MFHAS1: variants seen among roughly 807,000 people sequenced by gnomAD.
MFHAS1 encodes multifunctional ROCO family signaling regulator 1.
Under a neutral mutation model 70.4 loss-of-function variants are expected in MFHAS1, and 50 were observed. The ratio of observed to expected loss-of-function variants is 0.71; its 90% CI spans 0.57 to 0.90. MFHAS1 has a LOEUF of 0.90. MFHAS1 is among the 40% of genes least tolerant of loss of function. MFHAS1 has a pLI of 0.00. For synonymous variants in MFHAS1, 952 were observed against 620.0 expected (o/e 1.54, Z -7.96); for missense variants, 1,795 against 1,347.6 (o/e 1.33, Z -5.20).
Position 8,890,615 on chromosome 8 carries a change from T to C in MFHAS1, c.2444A>G (p.Gln815Arg). The C allele has an allele frequency of 6.2e-7, 1 of 1,613,970 alleles. No homozygotes were observed. The highest frequency in any genetic ancestry group is 8.5e-7 in the Non-Finnish European group (1 of 1,180,024). Residue 815 changes from glutamine (Q) to arginine (R), a missense_variant, in exon 1 of 3, where the codon CAG becomes CGG. By Grantham distance (43) the Gln-to-Arg change is conservative. Coordinates refer to ENST00000276282, the MANE Select transcript of MFHAS1 (RefSeq NM_004225.3). ...CAGCTCCAGCAACAGCTGCAAGTCCTGCTGGGCCTGGACATGAGGCTTAAG... is the reference window on the plus strand; with the variant it reads ...CAGCTCCAGCAACAGCTGCAAGTCCCGCTGGGCCTGGACATGAGGCTTAAG... ...LLLKPHVQAQ[Q>R]DLQLLLELLE... is the part of the protein sequence containing the mutation.
chr8:8,862,444 T>TTGTC (rs1808702633), intron 1 of MFHAS1, among the ~76,000 whole-genome samples: 2 of 151,924 alleles, frequency 1.3e-5, no homozygotes, highest in Non-Finnish European at 2.9e-5. Flanking sequence ...AGACTATAGA[T>TTGTC]TGTCTCTTCA....
At chr8:8,797,727 G>A (rs3748143) in intron 1 of MFHAS1, among the ~76,000 whole-genome samples, 31,318 of 151,978 alleles carry the variant, frequency 0.21, 3,561 homozygotes, top group African/African-American at 0.28. Flanking sequence ...TGGCAGGAAG[G>A]CCCACACTAG....
chr8:8,822,480 G>C (rs575542688), intron 1 of MFHAS1, among the ~76,000 whole-genome samples: 2 of 147,064 alleles, frequency 1.4e-5, no homozygotes, highest in South Asian at 2.4e-4. Context: ...TTGAGATGGA[G>C]ACAGGGACCC....
rs146394997 is a variant in MFHAS1 at position 8,849,144 on chromosome 8, G to T, written c.2998+40917C>A. Among the ~76,000 whole-genome samples, 83 of 124,056 alleles carry T rather than the reference G, an allele frequency of 6.7e-4. 1 individual carries two copies. The East Asian group carries it at 0.02, about 29-fold the overall frequency. The allele number at this position is 124,056 out of a possible 152,430, so 81.4% of individuals were successfully genotyped here. A position where few individuals can be genotyped will look rare whatever the true frequency, so the allele number is the denominator to read the frequency against. On this transcript the variant is annotated intron_variant, in intron 1 of 2. Transcript: ENST00000276282. Reference sequence around the variant, plus strand: ...TGCCCAGGCTGAAGAGCAATGGCACGATCTCAGCTCACTGCAACCTCTGCC... The same window carrying T: ...TGCCCAGGCTGAAGAGCAATGGCACTATCTCAGCTCACTGCAACCTCTGCC...
intron 1 of MFHAS1, among the ~76,000 whole-genome samples, chr8:8,871,730 C>G (rs1019749460): frequency 1.3e-5 from 2 of 152,200 alleles, no homozygotes; most frequent in Admixed American, 6.5e-5. Context: ...TCCAGGCCCC[C>G]GACTTCCTAA....
At position 8,829,173 on chromosome 8, in the gene MFHAS1, G is replaced by C. The variant is rs549890380; in HGVS notation, c.2999-31682C>G. Among the ~76,000 whole-genome samples the C allele has an allele frequency of 3.9e-5, 6 of 152,168 alleles. No homozygotes were observed. The East Asian group carries it at 7.8e-4, about 20-fold the overall frequency. ...ACGTCACCTCTCATGCCTCTGCTAAGCTCTTCTCTGGGTGCGGAGCGCCCT... is the reference window on the plus strand; with the variant it reads ...ACGTCACCTCTCATGCCTCTGCTAACCTCTTCTCTGGGTGCGGAGCGCCCT... On this transcript the variant is annotated intron_variant, in intron 1 of 2. Transcript: ENST00000276282.
At chr8:8,803,738 G>A (rs533328283) in intron 1 of MFHAS1, among the ~76,000 whole-genome samples, 6 of 151,962 alleles carry the variant, frequency 3.9e-5, no homozygotes, top group East Asian at 3.9e-4. Context: ...TTGGGAGGCC[G>A]AGGCAGGCAA....
chr8:8,893,001 G>C lies in MFHAS1; in HGVS notation c.58C>G (p.Leu20Val). Residue 20 changes from leucine to valine, a missense_variant, in exon 1 of 3, where the codon CTG (leucine) becomes GTG (valine). Leu to Val is a conservative substitution (Grantham distance 32). Transcript: ENST00000276282. ...TTGCTCCGCAGCTTCCTGGCACGCA[G>C]GGCGGCGTCCCGCCACAGCCTCGCG... ...KTARLWRDAA[L>V]RARKLRSNLR... 6.5e-7 allele frequency: 1 copy of C among 1,537,064 alleles called. No individual in the cohort carries two copies. The highest frequency in any genetic ancestry group is 8.7e-7 in the Non-Finnish European group (1 of 1,144,586).
chr8:8,813,052 C>T (rs975460020), intron 1 of MFHAS1, among the ~76,000 whole-genome samples: 1 of 152,184 alleles, frequency 6.6e-6, no homozygotes, highest in Non-Finnish European at 1.5e-5. Flanking sequence ...CAGGCATGAA[C>T]CACTGCACCT....
intron 1 of MFHAS1, among the ~76,000 whole-genome samples, chr8:8,837,940 G>A (rs1807662970): frequency 6.6e-6 from 1 of 152,072 alleles, no homozygotes; most frequent in Non-Finnish European, 1.5e-5. Flanking sequence ...GTTTACTCAG[G>A]AGAAACAATG....
rs750864301 is a variant in MFHAS1, at chr8:8,890,152, T to A, written c.2907A>T (p.Leu969=). The A allele has an allele frequency of 1.9e-6, 3 of 1,614,090 alleles. No individual in the cohort carries two copies. Among genetic ancestry groups the A allele is most frequent in the Admixed American group, 1.7e-5 (1 of 60,006 alleles). Reference sequence around the variant, plus strand: ...AGTGCAGTCCAGGCCATTCCTGAAGTAGGACATTCAGTTCCTCCACCAAGG... The same window carrying A: ...AGTGCAGTCCAGGCCATTCCTGAAGAAGGACATTCAGTTCCTCCACCAAGG... ...ITPLVEELNV[L]LQEWPGLHYT... Residue 969 remains leucine (L), a synonymous_variant, in exon 1 of 3, where the codon CTA becomes CTT. Coordinates refer to ENST00000276282, the MANE Select transcript of MFHAS1 (RefSeq NM_004225.3).
chr8:8,797,911 C>T (rs1805965220), intron 1 of MFHAS1, among the ~76,000 whole-genome samples: 2 of 152,132 alleles, frequency 1.3e-5, no homozygotes, highest in South Asian at 4.1e-4. Flanking sequence ...AAGCAGACCA[C>T]AGCAACCATT....
At position 8,891,307 on chromosome 8, in the gene MFHAS1, G is replaced by A. The variant is rs369928764; in HGVS notation, c.1752C>T (p.Phe584=). Residue 584 remains phenylalanine, a synonymous_variant, in exon 1 of 3, where the codon TTC becomes TTT. Transcript: ENST00000276282. This position sits in a 1 kb window ranked among gnomAD's most constrained non-coding sequence, Gnocchi z 5.4. ...KVVDEALARD[F]ELRSASPHAA... ...CGTGGGGGCTGGCAGAGCGCAGCTCGAAGTCCCGGGCCAGTGCCTCGTCCA... is the reference window on the plus strand; with the variant it reads ...CGTGGGGGCTGGCAGAGCGCAGCTCAAAGTCCCGGGCCAGTGCCTCGTCCA... 3.3e-5 allele frequency: 53 copies of A among 1,611,190 alleles called. No homozygotes were observed. The highest frequency in any genetic ancestry group is 3.1e-4 in the African/African-American group (23 of 74,952).
chr8:8,879,524 T>C (rs1809428014), intron 1 of MFHAS1, among the ~76,000 whole-genome samples: 1 of 152,138 alleles, frequency 6.6e-6, no homozygotes, highest in Non-Finnish European at 1.5e-5. Context: ...GAAAGTCAAC[T>C]CAAAAGAAGG....
At chr8:8,805,542 G>T (rs1406540089) in intron 1 of MFHAS1, among the ~76,000 whole-genome samples, 3 of 152,164 alleles carry the variant, frequency 2.0e-5, no homozygotes, top group Admixed American at 6.5e-5. Flanking sequence ...TGGGGAGGAG[G>T]GGGAAGAGGA....
intron 2 of MFHAS1, among the ~76,000 whole-genome samples, chr8:8,790,007 T>C (rs1338767892): frequency 6.6e-6 from 1 of 152,182 alleles, no homozygotes; most frequent in Non-Finnish European, 1.5e-5. Context: ...TCCTGTGTAG[T>C]TCCTGAAGGT....
intron 1 of MFHAS1, among the ~76,000 whole-genome samples, chr8:8,865,295 A>G (rs1189524631): frequency 2.6e-5 from 4 of 151,758 alleles, no homozygotes; most frequent in South Asian, 4.2e-4. Flanking sequence ...AAAAAAAAAA[A>G]AAAAAGAAAT....
chr8:8,814,347 C>G (rs1212523660), intron 1 of MFHAS1, among the ~76,000 whole-genome samples: 1 of 152,188 alleles, frequency 6.6e-6, no homozygotes, highest in African/African-American at 2.4e-5. Context: ...CAGTCACATG[C>G]TGTACAGGTT....
chr8:8,824,245 A>ACC (rs1355661679), intron 1 of MFHAS1, among the ~76,000 whole-genome samples: 1 of 151,748 alleles, frequency 6.6e-6, no homozygotes, highest in Non-Finnish European at 1.5e-5. Flanking sequence ...CTGGAGGCCA[A>ACC]TCTCTCCTCA....
Sources: gnomAD v4.1 joint callset for allele counts (sites outside exome capture counted in the v4.1 genomes callset) on GRCh38, gnomAD v4.1.1 for gene constraint, Gnocchi (gnomAD v3.1) non-coding constraint, MANE v1.5 for transcripts, NCBI Gene and HGNC (gene_info 2026-07-23, HGNC 2026-07-21) for gene names.